AIG1: variants seen among roughly 807,000 people sequenced by gnomAD.
AIG1 encodes the protein androgen-induced gene 1 protein.
A neutral mutation model predicts 31.4 loss-of-function variants in AIG1; 23 were observed. The observed-to-expected ratio is 0.73, with a 90% confidence interval of 0.53 to 1.04. The LOEUF is 1.04. Ranked by LOEUF, AIG1 falls within the 50% of genes least tolerant of loss-of-function variation. AIG1 has a pLI of 0.00. For missense variants in AIG1, 274 were observed against 295.0 expected, an observed-to-expected ratio of 0.93 and a Z score of 0.52; for synonymous variants, 100 against 110.5, an observed-to-expected ratio of 0.90 and a Z score of 0.60.
intron 1 of AIG1, among the ~76,000 whole-genome samples, chr6:143,113,170 G>A (rs1469847527): frequency 1.4e-5 from 2 of 145,094 alleles, no homozygotes; most frequent in African/African-American, 5.1e-5. Flanking sequence ...CAGCCTGGGC[G>A]AAAGAGCAAG....
chr6:143,334,159 T>TGAAAGGCG lies in AIG1; in HGVS notation c.679+720_679+721insCGGAAAGG. ...AGTGTATGTACAATAACATAAAAAT[T>TGAAAGGCG]GAAAGGTGGAAAAAGCGCCAGCACA... On this transcript the variant is annotated intron_variant, in intron 5 of 5. Transcript: ENST00000357847. The surrounding 1 kb of genome is among the most constrained non-coding windows in gnomAD (Gnocchi z 5.1). The TGAAAGGCG allele has an allele frequency of 6.6e-7, 1 of 1,504,156 alleles. No individual in the cohort carries two copies. Among genetic ancestry groups the TGAAAGGCG allele is most frequent in the Non-Finnish European group, 9.0e-7 (1 of 1,113,064 alleles). 93.2% of individuals were successfully genotyped at this position (1,504,156 alleles called of 1,614,324 possible). A position where few individuals can be genotyped will look rare whatever the true frequency, so the allele number is the denominator to read the frequency against.
chr6:143,233,379 A>G (rs760787335), intron 3 of AIG1, among the ~76,000 whole-genome samples: 35 of 152,114 alleles, frequency 2.3e-4, no homozygotes, highest in Admixed American at 6.5e-4. Flanking sequence ...AAATTTGGAA[A>G]TATTTGGTGG....
chr6:143,091,282 G>C (rs962359044), intron 1 of AIG1, among the ~76,000 whole-genome samples: 1 of 152,122 alleles, frequency 6.6e-6, no homozygotes, highest in African/African-American at 2.4e-5. Context: ...TGTTAATGTT[G>C]ACATTTTGAC....
chr6:143,262,088 C>G (rs1490159404), intron 3 of AIG1, among the ~76,000 whole-genome samples: 2 of 152,172 alleles, frequency 1.3e-5, no homozygotes, highest in African/African-American at 2.4e-5. Flanking sequence ...TGCAGCTCAG[C>G]CCATGGATGT....
chr6:143,303,057 C>A (rs1019442116), intron 4 of AIG1, among the ~76,000 whole-genome samples: 1 of 152,126 alleles, frequency 6.6e-6, no homozygotes, highest in Non-Finnish European at 1.5e-5. Context: ...CCTTCGCCCA[C>A]TTTTTGATGG....
Position 143,104,539 on chromosome 6 carries a change from C to T in AIG1, c.142-32296C>T, listed in dbSNP as rs76125383. Among the ~76,000 whole-genome samples the T allele has an allele frequency of 8.6e-3, 1,311 of 152,286 alleles. 14 individuals carry two copies. The highest frequency in any genetic ancestry group is 0.023 in the African/African-American group (960 of 41,558). ...ATTTGTTCACCAAAGACCTCTTAGC[C>T]TTTCCCAGGTGTGAGCTCTTCTGTT... On this transcript the variant is annotated intron_variant, in intron 1 of 5. Transcript: ENST00000357847.
At position 143,291,687 on chromosome 6, in the gene AIG1, A is replaced by C. The variant is rs982015848; in HGVS notation, c.515+7462A>C. On this transcript the variant is annotated intron_variant, in intron 4 of 5. Coordinates refer to ENST00000357847, the MANE Select transcript of AIG1 (RefSeq NM_016108.4). The surrounding 1 kb of genome is among the most constrained non-coding windows in gnomAD (Gnocchi z 4.2). ...CTTCTACTTCAGGGTCTTAGAGTGCATGGAATAAATAAGTAAACCCCCCTC... is the reference window on the plus strand; with the variant it reads ...CTTCTACTTCAGGGTCTTAGAGTGCCTGGAATAAATAAGTAAACCCCCCTC... 2.0e-5 allele frequency among the ~76,000 whole-genome samples: 3 copies of C among 152,196 alleles called. No individual in the cohort carries two copies. The highest frequency in any genetic ancestry group is 2.9e-5 in the Non-Finnish European group (2 of 68,032).
At chr6:143,230,930 C>T (rs1381405865) in intron 3 of AIG1, among the ~76,000 whole-genome samples, 1 of 152,198 alleles carries the variant, frequency 6.6e-6, no homozygotes, top group Non-Finnish European at 1.5e-5. Context: ...GTACAATTAA[C>T]TTTCACACCT....
intron 4 of AIG1, among the ~76,000 whole-genome samples, chr6:143,286,484 A>T (rs543307148): frequency 1.3e-5 from 2 of 152,194 alleles, no homozygotes; most frequent in Non-Finnish European, 2.9e-5. Context: ...ACTGTGCCAA[A>T]TGCTAAACAA....
chr6:143,174,046 T>C (rs1026501331), intron 3 of AIG1, among the ~76,000 whole-genome samples: 2 of 152,220 alleles, frequency 1.3e-5, no homozygotes, highest in African/African-American at 4.8e-5. Context: ...TAGTAGTAAT[T>C]GTTTTATAAA....
chr6:143,108,911 G>C lies in AIG1; in HGVS notation c.142-27924G>C, dbSNP rs116101121. ...CAATGAGTTTTTAGGAAACACATCTGTGTAACCACCACCCACATCAACATA... is the reference window on the plus strand; with the variant it reads ...CAATGAGTTTTTAGGAAACACATCTCTGTAACCACCACCCACATCAACATA... On this transcript the variant is annotated intron_variant, in intron 1 of 5. Transcript: ENST00000357847. Among the ~76,000 whole-genome samples, 429 of 152,240 alleles carry C rather than the reference G, an allele frequency of 2.8e-3. 3 individuals carry two copies. Among genetic ancestry groups the C allele is most frequent in the African/African-American group, 9.8e-3 (409 of 41,538 alleles).
At chr6:143,191,318 A>G (rs1789770441) in intron 3 of AIG1, among the ~76,000 whole-genome samples, 1 of 152,156 alleles carries the variant, frequency 6.6e-6, no homozygotes, top group Admixed American at 6.5e-5. Flanking sequence ...TTAAAAGCAT[A>G]CTACAAGTTT....
intron 3 of AIG1, among the ~76,000 whole-genome samples, chr6:143,281,296 T>C (rs1184009599): frequency 6.6e-6 from 1 of 152,188 alleles, no homozygotes; most frequent in Non-Finnish European, 1.5e-5. Context: ...AAGATGTTGT[T>C]TTGAAGATTA....
At chr6:143,206,592 C>T (rs1444482526) in intron 3 of AIG1, among the ~76,000 whole-genome samples, 1 of 152,070 alleles carries the variant, frequency 6.6e-6, no homozygotes, top group Non-Finnish European at 1.5e-5. Context: ...CTACCATAGC[C>T]TTACAGTGGA....
At chr6:143,154,496 G>C (rs1466301780) in intron 2 of AIG1, among the ~76,000 whole-genome samples, 6 of 152,048 alleles carry the variant, frequency 3.9e-5, no homozygotes. Flanking sequence ...GCGATAGAGT[G>C]AGACTCTGTG....
At chr6:143,307,685 C>CT (rs1300470322) in intron 4 of AIG1, among the ~76,000 whole-genome samples, 1 of 152,236 alleles carries the variant, frequency 6.6e-6, no homozygotes. Flanking sequence ...TCTGCCCATT[C>CT]TCAGATCTCC....
intron 3 of AIG1, among the ~76,000 whole-genome samples, chr6:143,204,679 A>G (rs1386615853): frequency 6.6e-6 from 1 of 152,102 alleles, no homozygotes; most frequent in Non-Finnish European, 1.5e-5. Flanking sequence ...ATCTTTCATC[A>G]CCCATACAGA....
intron 3 of AIG1, among the ~76,000 whole-genome samples, chr6:143,179,714 C>A (rs1303615530): frequency 1.3e-5 from 2 of 151,922 alleles, no homozygotes; most frequent in South Asian, 2.1e-4. Flanking sequence ...ATGAGTAAAT[C>A]GATGAATTAG....
chr6:143,253,295 G>A (rs1311993796), intron 3 of AIG1, among the ~76,000 whole-genome samples: 5 of 152,152 alleles, frequency 3.3e-5, no homozygotes, highest in African/African-American at 1.2e-4. Flanking sequence ...AACTCAGTAT[G>A]ATTTTCTTTA....
Sources: gnomAD v4.1 joint callset for allele counts (sites outside exome capture counted in the v4.1 genomes callset) on GRCh38, gnomAD v4.1.1 for gene constraint, Gnocchi (gnomAD v3.1) non-coding constraint, MANE v1.5 for transcripts, NCBI Gene and HGNC (gene_info 2026-07-23, HGNC 2026-07-21) for gene names.